Variants in CENPK observed in about 807,000 individuals in gnomAD.
The protein encoded by CENPK is SoxLZ/Sox6-binding protein Solt.
CENPK carries 46 observed loss-of-function variants against 40.9 expected under a neutral mutation model. That is an observed-to-expected ratio of 1.13 (90% CI 0.89 to 1.44). CENPK has a LOEUF of 1.44. Ranked by LOEUF, CENPK falls within the 40% of genes most tolerant of loss-of-function variation. The pLI is 0.00. For missense variants in CENPK, 288 were observed against 303.5 expected (o/e 0.95, Z 0.38); for synonymous variants, 107 against 104.4 (o/e 1.02, Z -0.15).
At chr5:65,511,958 A>C in the CENPK span, among the ~76,000 whole-genome samples, 2 of 152,250 alleles carry the variant, frequency 1.3e-5, no homozygotes, top group Non-Finnish European at 2.9e-5. Context: ...GATGCCATTA[A>C]GAACATGTGC....
At chr5:65,499,897 C>T in the CENPK span, among the ~76,000 whole-genome samples, 1 of 103,302 alleles carries the variant, frequency 9.7e-6, no homozygotes, top group Non-Finnish European at 2.1e-5. Context: ...CAATTCCCAC[C>T]TATGAGTGAG....
rs140500466 is a variant in CENPK at position 65,547,533 on chromosome 5, T to C, written c.241+4031A>G. ...CACCTATTAGAAATGCTCAAATTAA[T>C]GACTAACAGGTAGTAACAACGATGT... On this transcript the variant is annotated intron_variant, in intron 5 of 10. Transcript: ENST00000396679. Among the ~76,000 whole-genome samples the C allele has an allele frequency of 5.2e-4, 79 of 152,244 alleles. No individual in the cohort carries two copies. The East Asian group carries it at 0.015, about 29-fold the overall frequency.
chr5:65,509,393 A>G, the CENPK span, among the ~76,000 whole-genome samples: 1 of 152,196 alleles, frequency 6.6e-6, no homozygotes, highest in Admixed American at 6.5e-5. Flanking sequence ...ATCATATAGT[A>G]TATAGCATTT....
chr5:65,560,357 A>G (rs1054568617), intron 2 of CENPK, among the ~76,000 whole-genome samples: 2 of 152,172 alleles, frequency 1.3e-5, no homozygotes, highest in African/African-American at 4.8e-5. Flanking sequence ...CAGGTTACCA[A>G]TTACTTTGGA....
At chr5:65,544,257 A>C (rs556554139) in intron 5 of CENPK, among the ~76,000 whole-genome samples, 1 of 152,344 alleles carries the variant, frequency 6.6e-6, no homozygotes, top group South Asian at 2.1e-4. Context: ...CCTCTATAAG[A>C]AGCTCACTAA....
the CENPK span, among the ~76,000 whole-genome samples, chr5:65,496,833 C>T: frequency 6.6e-6 from 1 of 151,904 alleles, no homozygotes; most frequent in Non-Finnish European, 1.5e-5. Flanking sequence ...GTAGGTAGAT[C>T]ACAAGGTCAG....
At chr5:65,504,013 A>G in the CENPK span, among the ~76,000 whole-genome samples, 1 of 151,954 alleles carries the variant, frequency 6.6e-6, no homozygotes, top group Non-Finnish European at 1.5e-5. Flanking sequence ...TCTTTGTAAT[A>G]TGCAACTGTC....
chr5:65,513,716 T>C (rs891256886), downstream of CENPK, among the ~76,000 whole-genome samples: 3 of 152,246 alleles, frequency 2.0e-5, no homozygotes. Flanking sequence ...ATAGGAATTT[T>C]GTCTTATTGC....
chr5:65,518,470 T>A lies in CENPK; in HGVS notation c.*5A>T. The stretch of plus-strand genomic sequence containing the variant: ...TTTTACTGTGTGAAAAAAGAAAACA[T>A]CCTTTTACTGATGGAAAGCTTCTAA... On this transcript the variant is annotated 3_prime_UTR_variant, in exon 11 of 11. Coordinates refer to ENST00000396679, the MANE Select transcript of CENPK (RefSeq NM_022145.5). The A allele has an allele frequency of 6.2e-7, 1 of 1,607,624 alleles. No homozygotes were observed. The highest frequency in any genetic ancestry group is 8.5e-7 in the Non-Finnish European group (1 of 1,178,460).
chr5:65,547,161 C>T (rs922762358), intron 5 of CENPK, among the ~76,000 whole-genome samples: 12 of 151,870 alleles, frequency 7.9e-5, no homozygotes, highest in African/African-American at 1.2e-4. Flanking sequence ...GGGAGGCTGA[C>T]GCAGGAGGAT....
the CENPK span, among the ~76,000 whole-genome samples, chr5:65,511,512 T>C: frequency 2.6e-5 from 4 of 152,200 alleles, no homozygotes; most frequent in East Asian, 7.7e-4. Flanking sequence ...CCAGTGCTCG[T>C]GTACCATTCC....
intron 9 of CENPK, among the ~76,000 whole-genome samples, chr5:65,525,189 TCTCTA>T (rs1051971998): frequency 2.6e-5 from 4 of 151,954 alleles, no homozygotes; most frequent in African/African-American, 9.7e-5. Flanking sequence ...TAAAATTCCA[TCTCTA>T]CTAAAAAACA....
rs746826114 is a variant in CENPK at position 65,529,018 on chromosome 5, C to T, written c.372-1G>A. ...CTGTTCATCCAACCACCGTTGTTCC[C>T]TTTCGACATGGAAAAACAATACAAG... is the stretch of plus-strand genomic sequence containing the variant. On this transcript the variant is annotated splice_acceptor_variant, in intron 7 of 10. Transcript: ENST00000396679. LOFTEE classifies it high-confidence loss of function. 3 of 1,603,100 alleles carry T rather than the reference C, an allele frequency of 1.9e-6. No individual in the cohort carries two copies. The highest frequency in any genetic ancestry group is 2.2e-5 in the South Asian group (2 of 90,094).
At chr5:65,560,898 A>G (rs1328844130) in intron 2 of CENPK, 1 of 152,184 alleles carries the variant, frequency 6.6e-6, no homozygotes, top group Non-Finnish European at 1.5e-5. Flanking sequence ...GTTTACTGGC[A>G]CATTACTTAG....
At chr5:65,530,936 C>T (rs1234148466) in intron 6 of CENPK, among the ~76,000 whole-genome samples, 1 of 152,002 alleles carries the variant, frequency 6.6e-6, no homozygotes, top group East Asian at 1.9e-4. Context: ...ACAACAACAA[C>T]ACACACAATC....
intron 5 of CENPK, 144 bp downstream of exon 5, chr5:65,551,420 A>G: frequency 1.8e-6 from 1 of 549,474 alleles, no homozygotes; most frequent in Non-Finnish European, 3.3e-6. Context: ...AATAATTCAC[A>G]GAAAAAAAGT....
At chr5:65,519,257 A>G (rs1041899042) in intron 10 of CENPK, among the ~76,000 whole-genome samples, 1 of 152,220 alleles carries the variant, frequency 6.6e-6, no homozygotes, top group South Asian at 2.1e-4. Context: ...CTGAAAAACA[A>G]GGTTCTGTGA....
At chr5:65,523,906 G>A (rs1744198387) in intron 9 of CENPK, among the ~76,000 whole-genome samples, 1 of 151,864 alleles carries the variant, frequency 6.6e-6, no homozygotes. Flanking sequence ...AAGACAGGGA[G>A]CAATACCTAA....
intron 2 of CENPK, among the ~76,000 whole-genome samples, chr5:65,558,770 G>A (rs950848410): frequency 5.3e-5 from 8 of 152,152 alleles, no homozygotes; most frequent in South Asian, 2.1e-4. Flanking sequence ...ATGGCCATAG[G>A]AATAAGTAGC....
Sources: gnomAD v4.1 joint callset for allele counts (sites outside exome capture counted in the v4.1 genomes callset) on GRCh38, gnomAD v4.1.1 for gene constraint, MANE v1.5 for transcripts, NCBI Gene and HGNC (gene_info 2026-07-23, HGNC 2026-07-21) for gene names.